Variants in CCDC7 observed in about 807,000 individuals in gnomAD.
CCDC7 encodes coiled-coil domain containing 7, also known as coiled-coil domain-containing protein 7.
In CCDC7, 183 loss-of-function variants were observed where a neutral mutation model predicts 196.9. The ratio of observed to expected loss-of-function variants is 0.93; its 90% CI spans 0.82 to 1.05. The LOEUF (loss-of-function observed/expected upper bound fraction) is 1.05, where lower values mean the gene tolerates loss of function less well. CCDC7 is among the 50% of genes least tolerant of loss of function. CCDC7 has a pLI of 0.00. For synonymous variants in CCDC7, 525 were observed against 484.6 expected (o/e 1.08, Z -1.10); for missense variants, 1,540 against 1,482.2 (o/e 1.04, Z -0.64).
chr10:32,648,156 A>T (rs912148372), intron 20 of CCDC7, among the ~76,000 whole-genome samples: 1 of 151,996 alleles, frequency 6.6e-6, no homozygotes, highest in Non-Finnish European at 1.5e-5. Flanking sequence ...GGCTTTATTT[A>T]TGAGTTTTCT....
At chr10:32,701,086 C>A (rs188953964) in intron 24 of CCDC7, among the ~76,000 whole-genome samples, 1 of 152,256 alleles carries the variant, frequency 6.6e-6, no homozygotes, top group East Asian at 1.9e-4. Flanking sequence ...GAACTTCCAA[C>A]ACTATGTTGG....
chr10:32,776,030 A>G (rs1041563678), intron 28 of CCDC7, among the ~76,000 whole-genome samples: 1 of 147,194 alleles, frequency 6.8e-6, no homozygotes, highest in East Asian at 2.0e-4. Context: ...CTATCGCAAG[A>G]ACAAAAAACC....
intron 28 of CCDC7, among the ~76,000 whole-genome samples, chr10:32,737,337 C>T (rs772993407): frequency 6.6e-6 from 1 of 151,996 alleles, no homozygotes; most frequent in Non-Finnish European, 1.5e-5. Flanking sequence ...GTACCTTTAT[C>T]TACTTTTGGT....
At chr10:32,698,464 T>A (rs537824720) in intron 24 of CCDC7, among the ~76,000 whole-genome samples, 3 of 152,052 alleles carry the variant, frequency 2.0e-5, no homozygotes, top group Admixed American at 2.0e-4. Context: ...AAAAAAAGAT[T>A]AGAAGACTGG....
chr10:32,828,551 AG>A (rs1249733318), intron 32 of CCDC7, among the ~76,000 whole-genome samples: 4 of 149,230 alleles, frequency 2.7e-5, no homozygotes, highest in African/African-American at 9.8e-5. Flanking sequence ...AAGAAGAAGA[AG>A]AAGAAGAAAG....
chr10:32,856,940 A>G (rs770651457), intron 41 of CCDC7, among the ~76,000 whole-genome samples: 1 of 152,114 alleles, frequency 6.6e-6, no homozygotes, highest in Non-Finnish European at 1.5e-5. Flanking sequence ...CCTACACCAC[A>G]GGTGTCCTGG....
At chr10:32,497,942 T>C (rs1361686983) in intron 9 of CCDC7, among the ~76,000 whole-genome samples, 5 of 152,172 alleles carry the variant, frequency 3.3e-5, no homozygotes, top group African/African-American at 1.2e-4. Context: ...AAGTCCTGGA[T>C]ATCCTTGTTA....
chr10:32,464,937 A>G (rs1205454467), intron 5 of CCDC7, among the ~76,000 whole-genome samples: 1 of 152,076 alleles, frequency 6.6e-6, no homozygotes, highest in African/African-American at 2.4e-5. Context: ...TTCCTCTCTA[A>G]AGGCCTATTT....
exon 40 of CCDC7, chr10:32,851,809 G>A: frequency 6.2e-7 from 1 of 1,607,032 alleles, no homozygotes; most frequent in East Asian, 2.2e-5. Context: ...TTTTCTAGAG[G>A]AAACTTATGA....
intron 13 of CCDC7, among the ~76,000 whole-genome samples, chr10:32,562,665 T>C (rs2055941001): frequency 6.6e-6 from 1 of 152,010 alleles, no homozygotes; most frequent in African/African-American, 2.4e-5. Flanking sequence ...TAATAAGAGC[T>C]ATCTATGACA....
At chr10:32,863,847 T>A (rs773249087) in intron 41 of CCDC7, among the ~76,000 whole-genome samples, 7 of 151,396 alleles carry the variant, frequency 4.6e-5, no homozygotes, top group African/African-American at 7.3e-5. Context: ...TTGGCAGGGA[T>A]TTTTTTGTAT....
At chr10:32,797,691 TAAAAC>T (rs1447389176) in intron 29 of CCDC7, among the ~76,000 whole-genome samples, 5 of 151,924 alleles carry the variant, frequency 3.3e-5, no homozygotes, top group Admixed American at 6.6e-5. Flanking sequence ...AAATAAAAAA[TAAAAC>T]AAAAGGGAAA....
intron 16 of CCDC7, among the ~76,000 whole-genome samples, chr10:32,576,879 G>A (rs1487324275): frequency 1.3e-5 from 2 of 152,048 alleles, no homozygotes; most frequent in African/African-American, 4.8e-5. Flanking sequence ...GGATGGATTT[G>A]AACAGGCACC....
chr10:32,788,536 G>A (rs1322546897), intron 29 of CCDC7, among the ~76,000 whole-genome samples: 1 of 152,164 alleles, frequency 6.6e-6, no homozygotes, highest in African/African-American at 2.4e-5. Context: ...GCAAACTCAG[G>A]TTCAAGGTCC....
intron 29 of CCDC7, among the ~76,000 whole-genome samples, chr10:32,784,654 C>T (rs2081550387): frequency 6.6e-6 from 1 of 151,948 alleles, no homozygotes; most frequent in African/African-American, 2.4e-5. Flanking sequence ...TCACTGCAAC[C>T]TTCGCCTCCC....
At chr10:32,467,176 AC>A (rs1342327306) in intron 5 of CCDC7, among the ~76,000 whole-genome samples, 1 of 150,744 alleles carries the variant, frequency 6.6e-6, no homozygotes, top group Admixed American at 6.6e-5. Context: ...ATCTCCGCTC[AC>A]TGCAACCTCT....
At chr10:32,709,951 T>G (rs2080541818) in intron 24 of CCDC7, among the ~76,000 whole-genome samples, 1 of 152,178 alleles carries the variant, frequency 6.6e-6, no homozygotes, top group Non-Finnish European at 1.5e-5. Flanking sequence ...TGTGGGTCTG[T>G]ATAGCCAGAT....
At chr10:32,604,866 TA>T (rs1307477927) in intron 18 of CCDC7, among the ~76,000 whole-genome samples, 1 of 152,180 alleles carries the variant, frequency 6.6e-6, no homozygotes, top group Non-Finnish European at 1.5e-5. Context: ...ATGTCATCTG[TA>T]AAAAGTGACA....
At chr10:32,768,577 A>G (rs1276063998) in intron 28 of CCDC7, among the ~76,000 whole-genome samples, 2 of 152,012 alleles carry the variant, frequency 1.3e-5, no homozygotes, top group African/African-American at 4.8e-5. Flanking sequence ...GAGTGGTGAA[A>G]GTGGGCATCC....
Sources: gnomAD v4.1 joint callset for allele counts (sites outside exome capture counted in the v4.1 genomes callset) on GRCh38, gnomAD v4.1.1 for gene constraint, MANE v1.5 for transcripts, NCBI Gene and HGNC (gene_info 2026-07-23, HGNC 2026-07-21) for gene names.